The following FYN variants were observed in gnomAD, a reference collection of about 807,000 sequenced individuals.
The protein encoded by FYN is FYN proto-oncogene, Src family tyrosine kinase, also known as tyrosine-protein kinase Fyn.
In FYN, 10 loss-of-function variants were observed where a neutral mutation model predicts 70.2. That is an observed-to-expected ratio of 0.14 (90% CI 0.09 to 0.24). The LOEUF is 0.24. Among genes scored for constraint, FYN ranks in the 10% least tolerant of loss-of-function variants. FYN has a pLI of 1.00. For synonymous variants in FYN, 236 were observed against 248.6 expected (o/e 0.95, Z 0.48); for missense variants, 319 against 673.1 (o/e 0.47, Z 5.82).
At chr6:111,734,307 C>G (rs1240136077) in intron 3 of FYN, among the ~76,000 whole-genome samples, 1 of 152,144 alleles carries the variant, frequency 6.6e-6, no homozygotes, top group Non-Finnish European at 1.5e-5. Context: ...AGGTTTGGCT[C>G]TAAATGCTCA....
At chr6:111,716,054 A>C (rs1800629568) in intron 4 of FYN, among the ~76,000 whole-genome samples, 1 of 152,260 alleles carries the variant, frequency 6.6e-6, no homozygotes, top group South Asian at 2.1e-4. Context: ...TTATTAAGGC[A>C]ATTGCATATG....
intron 3 of FYN, among the ~76,000 whole-genome samples, chr6:111,731,293 A>G (rs1250364897): frequency 6.6e-6 from 1 of 152,218 alleles, no homozygotes; most frequent in African/African-American, 2.4e-5. Flanking sequence ...CAATTCCTTT[A>G]AAGACACAGA....
intron 2 of FYN, chr6:111,780,926 A>C (rs1477097586): frequency 6.6e-6 from 1 of 152,210 alleles, no homozygotes; most frequent in African/African-American, 2.4e-5. Flanking sequence ...TGAAGACAAG[A>C]GAACAATGGA....
intron 3 of FYN, among the ~76,000 whole-genome samples, chr6:111,775,328 T>C (rs1431632495): frequency 6.6e-6 from 1 of 152,234 alleles, no homozygotes; most frequent in Non-Finnish European, 1.5e-5. Flanking sequence ...AGGAGCAGGA[T>C]GGCCTCCCGC....
chr6:111,675,193 G>A (rs1019258612), intron 12 of FYN, among the ~76,000 whole-genome samples: 1 of 152,112 alleles, frequency 6.6e-6, no homozygotes, highest in Non-Finnish European at 1.5e-5. Context: ...CTTTCTCCCT[G>A]TAGTAGCCAT....
rs577062224 is a variant in FYN at position 111,684,059 on chromosome 6, G to A, written c.1274-9429C>T. Among the ~76,000 whole-genome samples, 3 of 152,252 alleles carry A rather than the reference G, an allele frequency of 2.0e-5. No homozygotes were observed. The East Asian group carries it at 5.8e-4, about 29-fold the overall frequency. On this transcript the variant is annotated intron_variant, in intron 12 of 13. Coordinates refer to ENST00000354650, the MANE Select transcript of FYN (RefSeq NM_002037.5). ...CAAGTTCATAAAGTTTTAGCATCAT[G>A]TTTTTTTGAAAAGTATATGTTACAA...
chr6:111,787,462 A>AC (rs1224882521), intron 2 of FYN, among the ~76,000 whole-genome samples: 22 of 152,256 alleles, frequency 1.4e-4, no homozygotes, highest in African/African-American at 5.1e-4. Flanking sequence ...TGTTTTGGTT[A>AC]CTTAGCCTTG....
chr6:111,747,778 G>A (rs1004516579), intron 3 of FYN, among the ~76,000 whole-genome samples: 1 of 152,062 alleles, frequency 6.6e-6, no homozygotes, highest in African/African-American at 2.4e-5. Context: ...TCCATTTTTC[G>A]CACCAGATAT....
intron 12 of FYN, among the ~76,000 whole-genome samples, chr6:111,684,703 C>T (rs1486009676): frequency 6.6e-6 from 1 of 152,122 alleles, no homozygotes; most frequent in Non-Finnish European, 1.5e-5. Context: ...CAATGACAAA[C>T]CCAGGGTAAC....
At chr6:111,836,180 A>G (rs1773179799) in intron 2 of FYN, among the ~76,000 whole-genome samples, 1 of 152,222 alleles carries the variant, frequency 6.6e-6, no homozygotes, top group Admixed American at 6.5e-5. Flanking sequence ...GAGAAAACAC[A>G]GTAGGCCTTC....
At chr6:111,687,964 C>T (rs1799096907) in intron 12 of FYN, among the ~76,000 whole-genome samples, 1 of 152,062 alleles carries the variant, frequency 6.6e-6, no homozygotes, top group African/African-American at 2.4e-5. Flanking sequence ...CCAGGCCCTG[C>T]CCTCTTTGGG....
chr6:111,822,716 T>G (rs62413711), intron 2 of FYN, among the ~76,000 whole-genome samples: 7,053 of 136,894 alleles, frequency 0.052, 347 homozygotes, highest in African/African-American at 0.14. Flanking sequence ...AAGAAAGAAA[T>G]AAACAGTAGA....
chr6:111,870,265 G>C (rs1774233922), intron 1 of FYN, among the ~76,000 whole-genome samples: 1 of 152,196 alleles, frequency 6.6e-6, no homozygotes, highest in African/African-American at 2.4e-5. Flanking sequence ...TCTGTAAACT[G>C]AAACAGGTTA....
At chr6:111,701,609 C>A (rs909388785) in intron 8 of FYN, among the ~76,000 whole-genome samples, 1 of 151,998 alleles carries the variant, frequency 6.6e-6, no homozygotes, top group Non-Finnish European at 1.5e-5. Context: ...TCCCCTCTTT[C>A]CTTCCAGCTT....
At chr6:111,800,384 G>T (rs1421386879) in intron 2 of FYN, among the ~76,000 whole-genome samples, 1 of 152,172 alleles carries the variant, frequency 6.6e-6, no homozygotes, top group African/African-American at 2.4e-5. Flanking sequence ...AGGCTCTACA[G>T]CTTGTGGGAG....
intron 2 of FYN, among the ~76,000 whole-genome samples, chr6:111,807,131 G>C (rs1772175310): frequency 6.6e-6 from 1 of 152,212 alleles, no homozygotes. Flanking sequence ...GGGATCTACT[G>C]AGGGATTTAT....
intron 3 of FYN, among the ~76,000 whole-genome samples, chr6:111,722,168 A>T (rs1332660291): frequency 6.6e-6 from 1 of 152,174 alleles, no homozygotes; most frequent in East Asian, 1.9e-4. Context: ...ACATTTCAAT[A>T]AATACTTATT....
chr6:111,770,718 G>A (rs1308764993), intron 3 of FYN, among the ~76,000 whole-genome samples: 2 of 152,138 alleles, frequency 1.3e-5, no homozygotes, highest in African/African-American at 4.8e-5. Flanking sequence ...TCTCAGGAGG[G>A]CCATGTGCTG....
chr6:111,705,403 T>C (rs1206131024), intron 6 of FYN, among the ~76,000 whole-genome samples: 1 of 151,200 alleles, frequency 6.6e-6, no homozygotes, highest in African/African-American at 2.4e-5. Flanking sequence ...TTTTTTTTCT[T>C]GAGACAGGGT....
Sources: gnomAD v4.1 joint callset for allele counts (sites outside exome capture counted in the v4.1 genomes callset) on GRCh38, gnomAD v4.1.1 for gene constraint, MANE v1.5 for transcripts, NCBI Gene and HGNC (gene_info 2026-07-23, HGNC 2026-07-21) for gene names.